Variants in TRIM2 observed in about 807,000 individuals in gnomAD.
The protein encoded by TRIM2 is tripartite motif containing 2.
TRIM2 carries 20 observed loss-of-function variants against 75.2 expected under a neutral mutation model. The observed-to-expected ratio is 0.27, with a 90% CI of 0.19 to 0.39. TRIM2 has a LOEUF of 0.39. Ranked by LOEUF, TRIM2 falls within the 10% of genes least tolerant of loss-of-function variation. The pLI is 1.00. For synonymous variants in TRIM2, 373 were observed against 388.3 expected, an observed-to-expected ratio of 0.96 and a Z score of 0.46; for missense variants, 660 against 990.8, an observed-to-expected ratio of 0.67 and a Z score of 4.48.
chr4:153,316,225 C>T (rs1336038127), intron 8 of TRIM2, among the ~76,000 whole-genome samples: 2 of 152,100 alleles, frequency 1.3e-5, no homozygotes, highest in East Asian at 1.9e-4. Flanking sequence ...AATTAGGTTG[C>T]TCAGTCACTT....
intron 6 of TRIM2, among the ~76,000 whole-genome samples, chr4:153,315,176 G>A (rs888517564): frequency 5.9e-5 from 9 of 152,210 alleles, no homozygotes; most frequent in Admixed American, 3.3e-4. Flanking sequence ...AAGGCAGGCC[G>A]TATTAGTTTT....
upstream of TRIM2, among the ~76,000 whole-genome samples, chr4:153,200,126 AG>A (rs200825364): frequency 5.6e-3 from 845 of 152,064 alleles, 9 homozygotes; most frequent in African/African-American, 0.019. Context: ...TTTTTAGTAA[AG>A]ACAGGGTTTC....
chr4:153,183,801 AC>A (rs564825168), intron 1 of TRIM2, among the ~76,000 whole-genome samples: 82 of 152,294 alleles, frequency 5.4e-4, no homozygotes, highest in African/African-American at 2.0e-3. Context: ...AAGCTAGACC[AC>A]ACTGAACAGA....
chr4:153,288,591 T>G (rs1414191677), intron 3 of TRIM2, among the ~76,000 whole-genome samples: 1 of 152,140 alleles, frequency 6.6e-6, no homozygotes, highest in Non-Finnish European at 1.5e-5. Context: ...CTGTTTGGAG[T>G]TTATTAAGTT....
chr4:153,260,554 G>C (rs1753145434), intron 1 of TRIM2, among the ~76,000 whole-genome samples: 1 of 152,098 alleles, frequency 6.6e-6, no homozygotes, highest in Admixed American at 6.6e-5. Flanking sequence ...TGAGGAAGCT[G>C]TCATATATCT....
chr4:153,265,784 ACT>A (rs1553983940), intron 1 of TRIM2: 10 of 151,542 alleles, frequency 6.6e-5, no homozygotes, highest in Admixed American at 2.0e-4. Flanking sequence ...ACACACACAC[ACT>A]CTAGTGAAGT....
intron 3 of TRIM2, among the ~76,000 whole-genome samples, chr4:153,288,591 TTTA>T (rs1761179199): frequency 6.6e-6 from 1 of 152,140 alleles, no homozygotes; most frequent in South Asian, 2.1e-4. Flanking sequence ...CTGTTTGGAG[TTTA>T]TTAAGTTTTT....
chr4:153,243,823 C>G (rs1371358524), intron 1 of TRIM2, among the ~76,000 whole-genome samples: 3 of 127,758 alleles, frequency 2.3e-5, no homozygotes, highest in East Asian at 3.0e-4. Context: ...TTTTTTCCCC[C>G]CCCCCTTGAG....
chr4:153,208,608 A>C (rs1736099517), intron 1 of TRIM2, among the ~76,000 whole-genome samples: 1 of 152,120 alleles, frequency 6.6e-6, no homozygotes, highest in South Asian at 2.1e-4. Context: ...CTGCTGGTTG[A>C]CTGCTAGTGA....
At chr4:153,250,285 AATTTATGT>A (rs778197768) in intron 1 of TRIM2, among the ~76,000 whole-genome samples, 115 of 152,090 alleles carry the variant, frequency 7.6e-4, no homozygotes, top group Non-Finnish European at 1.4e-3. Flanking sequence ...ATGCCTGGCT[AATTTATGT>A]ATTTTTAGTA....
chr4:153,268,133 T>C (rs1246247904), intron 1 of TRIM2, among the ~76,000 whole-genome samples: 1 of 152,174 alleles, frequency 6.6e-6, no homozygotes, highest in African/African-American at 2.4e-5. Flanking sequence ...CCGGTCTGGG[T>C]GGTGTCAGCT....
intron 1 of TRIM2, among the ~76,000 whole-genome samples, chr4:153,262,325 G>T (rs561185738): frequency 3.2e-4 from 49 of 152,288 alleles, no homozygotes; most frequent in Non-Finnish European, 4.7e-4. Flanking sequence ...AGGGAATGGG[G>T]AGTGTTGATT....
intron 3 of TRIM2, among the ~76,000 whole-genome samples, chr4:153,283,974 A>G (rs1759996439): frequency 6.9e-6 from 1 of 145,566 alleles, no homozygotes; most frequent in African/African-American, 2.6e-5. Context: ...GGTTCAAGCA[A>G]TTCTCCTGCC....
Position 153,295,216 on chromosome 4 carries a change from G to A in TRIM2, c.787-97G>A. ...CGCTTGCTCAGAGCCACCTGCGTGG[G>A]CAGGTGTAGAGTCTCCTTCTCGCCG... On this transcript the variant is annotated intron_variant, in intron 5 of 11. Coordinates refer to ENST00000338700, the MANE Select transcript of TRIM2 (RefSeq NM_015271.5). This position sits in a 1 kb window ranked among gnomAD's most constrained non-coding sequence, Gnocchi z 7.2. The A allele has an allele frequency of 7.0e-7, 1 of 1,428,080 alleles. No individual in the cohort carries two copies. 88.5% of individuals were successfully genotyped at this position (1,428,080 alleles called of 1,614,324 possible).
At chr4:153,182,019 A>G (rs1410069217) in intron 1 of TRIM2, among the ~76,000 whole-genome samples, 1 of 152,190 alleles carries the variant, frequency 6.6e-6, no homozygotes, top group Non-Finnish European at 1.5e-5. Flanking sequence ...TGCTTTCTTC[A>G]TATTTTAAGG....
chr4:153,259,998 T>G (rs1370174430), intron 1 of TRIM2, among the ~76,000 whole-genome samples: 2 of 152,244 alleles, frequency 1.3e-5, no homozygotes, highest in African/African-American at 4.8e-5. Context: ...TGTTATTGTC[T>G]TTAAACATTA....
intron 1 of TRIM2, among the ~76,000 whole-genome samples, chr4:153,195,568 G>A (rs1335627086): frequency 6.6e-6 from 1 of 152,182 alleles, no homozygotes; most frequent in Non-Finnish European, 1.5e-5. Flanking sequence ...AGCTAGGAGA[G>A]AGGCGGATTC....
At chr4:153,276,551 A>G (rs1758073054) in intron 3 of TRIM2, among the ~76,000 whole-genome samples, 1 of 152,226 alleles carries the variant, frequency 6.6e-6, no homozygotes, top group Admixed American at 6.5e-5. Flanking sequence ...ATTCCTTATT[A>G]ATAGATAGAA....
chr4:153,316,644 G>T (rs935594608), intron 8 of TRIM2, among the ~76,000 whole-genome samples: 1 of 152,110 alleles, frequency 6.6e-6, no homozygotes. Context: ...GGATCCCATT[G>T]TTTGATATAT....
Sources: gnomAD v4.1 joint callset for allele counts (sites outside exome capture counted in the v4.1 genomes callset) on GRCh38, gnomAD v4.1.1 for gene constraint, Gnocchi (gnomAD v3.1) non-coding constraint, MANE v1.5 for transcripts, NCBI Gene and HGNC (gene_info 2026-07-23, HGNC 2026-07-21) for gene names.